The following NXPH1 variants were observed in gnomAD, a reference collection of about 807,000 sequenced individuals.
NXPH1 encodes neurexophilin 1, also known as neurexophilin-1.
NXPH1 carries 5 observed loss-of-function variants against 23.7 expected under a neutral mutation model. The observed-to-expected ratio is 0.21, with a 90% confidence interval of 0.11 to 0.44. The LOEUF (loss-of-function observed/expected upper bound fraction) is 0.44, where lower values mean the gene tolerates loss of function less well. Ranked by LOEUF, NXPH1 falls within the 20% of genes least tolerant of loss-of-function variation. The probability of loss-of-function intolerance (pLI) is 0.99; values close to 1 mark genes in which losing one functional copy is unlikely to be tolerated. For synonymous variants in NXPH1, 144 were observed against 122.2 expected, an observed-to-expected ratio of 1.18 and a Z score of -1.18; for missense variants, 324 against 321.6, an observed-to-expected ratio of 1.01 and a Z score of -0.06.
Position 8,435,383 on chromosome 7 carries a change from G to A in NXPH1, c.-110-221G>A, listed in dbSNP as rs970336798. The A allele has an allele frequency of 1.4e-5, 6 of 429,858 alleles. No individual in the cohort carries two copies. The highest frequency in any genetic ancestry group is 1.0e-4 in the African/African-American group (5 of 49,018). The allele number at this position is 429,858 out of a possible 1,614,324, so 26.6% of individuals were successfully genotyped here. A position where few individuals can be genotyped will look rare whatever the true frequency, so the allele number is the denominator to read the frequency against. Reference sequence around the variant, plus strand: ...ACCCGAGGAGCGCAGGGGGCAAGGAGCCCCTCACCCTCCCTCTCGTCCGCC... The same window carrying A: ...ACCCGAGGAGCGCAGGGGGCAAGGAACCCCTCACCCTCCCTCTCGTCCGCC... On this transcript the variant is annotated intron_variant, in intron 1 of 2. Coordinates refer to ENST00000405863, the MANE Select transcript of NXPH1 (RefSeq NM_152745.3). The surrounding 1 kb of genome is among the most constrained non-coding windows in gnomAD (Gnocchi z 5.9).
chr7:8,578,236 C>A (rs186372626), intron 2 of NXPH1, among the ~76,000 whole-genome samples: 2 of 152,234 alleles, frequency 1.3e-5, no homozygotes, highest in East Asian at 3.9e-4. Context: ...CTGATAAACC[C>A]ATTGTAAGTT....
chr7:8,479,213 A>G (rs546342433), intron 2 of NXPH1, among the ~76,000 whole-genome samples: 1 of 152,142 alleles, frequency 6.6e-6, no homozygotes, highest in Non-Finnish European at 1.5e-5. Context: ...ATAATTTATT[A>G]AAGTGGGGAT....
chr7:8,725,357 G>T (rs955770820), intron 2 of NXPH1, among the ~76,000 whole-genome samples: 5 of 152,056 alleles, frequency 3.3e-5, no homozygotes, highest in Non-Finnish European at 4.4e-5. Flanking sequence ...GGGCATGGTG[G>T]TGGGCGCCTG....
intron 2 of NXPH1, among the ~76,000 whole-genome samples, chr7:8,555,941 T>A (rs1344188554): frequency 6.6e-6 from 1 of 151,742 alleles, no homozygotes; most frequent in Non-Finnish European, 1.5e-5. Context: ...AACAAATGGA[T>A]CTAGTTTAGA....
intron 2 of NXPH1, among the ~76,000 whole-genome samples, chr7:8,742,864 C>G (rs945332620): frequency 6.6e-6 from 1 of 152,100 alleles, no homozygotes; most frequent in African/African-American, 2.4e-5. Flanking sequence ...TGAGAAGTAG[C>G]TTACCAGCAG....
intron 2 of NXPH1, among the ~76,000 whole-genome samples, chr7:8,739,574 C>A (rs537847898): frequency 1.3e-5 from 2 of 152,182 alleles, no homozygotes; most frequent in Non-Finnish European, 2.9e-5. Context: ...GAGCTGCAGA[C>A]TGGAGCTGTT....
At chr7:8,597,348 G>A (rs758263889) in intron 2 of NXPH1, among the ~76,000 whole-genome samples, 1 of 152,002 alleles carries the variant, frequency 6.6e-6, no homozygotes, top group Admixed American at 6.6e-5. Flanking sequence ...AGACCACTTC[G>A]GGTCCAGTGC....
intron 2 of NXPH1, among the ~76,000 whole-genome samples, chr7:8,740,320 A>G (rs1158038772): frequency 6.6e-6 from 1 of 152,214 alleles, no homozygotes; most frequent in East Asian, 1.9e-4. Flanking sequence ...CCAGAATTAC[A>G]TAGATAGCTT....
intron 2 of NXPH1, among the ~76,000 whole-genome samples, chr7:8,461,183 A>G (rs557585494): frequency 6.6e-6 from 1 of 152,272 alleles, no homozygotes; most frequent in Non-Finnish European, 1.5e-5. Context: ...GCCCCCTTGC[A>G]TTCAGTCTCT....
chr7:8,664,554 A>C (rs1466492364), intron 2 of NXPH1, among the ~76,000 whole-genome samples: 1 of 152,094 alleles, frequency 6.6e-6, no homozygotes, highest in Admixed American at 6.5e-5. Context: ...CATTCTCCAG[A>C]GATGCTGGAT....
chr7:8,710,010 T>G (rs1779762247), intron 2 of NXPH1, among the ~76,000 whole-genome samples: 2 of 152,188 alleles, frequency 1.3e-5, no homozygotes, highest in South Asian at 2.1e-4. Context: ...AATCTTATGC[T>G]TCAGGGCATA....
intron 2 of NXPH1, among the ~76,000 whole-genome samples, chr7:8,666,488 A>G (rs772500916): frequency 6.6e-6 from 1 of 151,976 alleles, no homozygotes; most frequent in Non-Finnish European, 1.5e-5. Context: ...ATTGACCTGT[A>G]ATGATCTTTT....
At chr7:8,506,169 T>G (rs1817518637) in intron 2 of NXPH1, among the ~76,000 whole-genome samples, 1 of 152,134 alleles carries the variant, frequency 6.6e-6, no homozygotes, top group African/African-American at 2.4e-5. Context: ...AGTGCACAAT[T>G]CAATATTTCT....
At chr7:8,654,398 A>G (rs1323084490) in intron 2 of NXPH1, among the ~76,000 whole-genome samples, 1 of 152,190 alleles carries the variant, frequency 6.6e-6, no homozygotes, top group South Asian at 2.1e-4. Context: ...GAAGGCCACA[A>G]AGCAAATATG....
chr7:8,686,082 A>G (rs1821142196), intron 2 of NXPH1, among the ~76,000 whole-genome samples: 1 of 152,140 alleles, frequency 6.6e-6, no homozygotes, highest in East Asian at 1.9e-4. Flanking sequence ...TAAAAATGAA[A>G]AATGTATTCT....
chr7:8,471,493 A>G (rs1816871244), intron 2 of NXPH1, among the ~76,000 whole-genome samples: 1 of 152,150 alleles, frequency 6.6e-6, no homozygotes, highest in African/African-American at 2.4e-5. Flanking sequence ...GGACTGCTGA[A>G]TCAATGGCTG....
chr7:8,576,947 T>C (rs147824422), intron 2 of NXPH1, among the ~76,000 whole-genome samples: 1,753 of 152,246 alleles, frequency 0.012, 18 homozygotes, highest in South Asian at 0.057. Flanking sequence ...TACTCTTTTA[T>C]GGTGAAAATT....
intron 2 of NXPH1, among the ~76,000 whole-genome samples, chr7:8,611,355 A>G (rs985883574): frequency 6.6e-6 from 1 of 152,144 alleles, no homozygotes; most frequent in African/African-American, 2.4e-5. Flanking sequence ...GTATTTTGAG[A>G]AAATGTCTTT....
At chr7:8,515,565 G>T (rs1178211991) in intron 2 of NXPH1, among the ~76,000 whole-genome samples, 5 of 141,576 alleles carry the variant, frequency 3.5e-5, no homozygotes, top group Non-Finnish European at 7.6e-5. Context: ...CAGAGAGGAA[G>T]AGAAATGTAT....
Sources: allele counts gnomAD v4.1 joint callset (sites outside exome capture counted in the v4.1 genomes callset), GRCh38; gene constraint gnomAD v4.1.1; non-coding constraint Gnocchi (gnomAD v3.1); transcripts MANE v1.5; gene names NCBI Gene and HGNC (gene_info 2026-07-23, HGNC 2026-07-21).